The following TRHR variants were observed in gnomAD, a reference collection of about 807,000 sequenced individuals.
The protein encoded by TRHR is thyrotropin-releasing hormone receptor.
TRHR carries 14 observed loss-of-function variants against 28.0 expected under a neutral mutation model. The observed-to-expected ratio is 0.50, with a 90% CI of 0.33 to 0.78. The LOEUF is 0.78. Among genes scored for constraint, TRHR ranks in the 30% least tolerant of loss-of-function variants. The probability of loss-of-function intolerance (pLI) is 0.02; values close to 1 mark genes in which losing one functional copy is unlikely to be tolerated. For missense variants in TRHR, 438 were observed against 469.5 expected (o/e 0.93, Z 0.62); for synonymous variants, 176 against 171.9 (o/e 1.02, Z -0.18).
chr8:109,101,953 A>G (rs573090590), intron 2 of TRHR, among the ~76,000 whole-genome samples: 1 of 152,246 alleles, frequency 6.6e-6, no homozygotes, highest in South Asian at 2.1e-4. Flanking sequence ...TCAGAGAGGG[A>G]AGAGGAAAAC....
chr8:109,091,121 T>C (rs1563621084), intron 2 of TRHR, among the ~76,000 whole-genome samples: 1 of 152,052 alleles, frequency 6.6e-6, no homozygotes, highest in Admixed American at 6.6e-5. Flanking sequence ...GAGAGAGAGA[T>C]TGGTGGAAGA....
chr8:109,116,273 T>C (rs1313778089), intron 2 of TRHR, among the ~76,000 whole-genome samples: 3 of 152,116 alleles, frequency 2.0e-5, no homozygotes. Flanking sequence ...CTTTTTTTGT[T>C]GTGTCTCTGC....
At chr8:109,118,880 A>G (rs1424580914) in intron 2 of TRHR, among the ~76,000 whole-genome samples, 168 bp from the exon 3 acceptor site, 1 of 151,826 alleles carries the variant, frequency 6.6e-6, no homozygotes, top group Non-Finnish European at 1.5e-5. Context: ...ATTCTAATTG[A>G]TAACCCTTAA....
At chr8:109,089,439 G>A (rs965516100) in intron 2 of TRHR, among the ~76,000 whole-genome samples, 8 of 151,726 alleles carry the variant, frequency 5.3e-5, no homozygotes, top group African/African-American at 1.5e-4. Context: ...TATATGCATC[G>A]TAACTGGACA....
intron 2 of TRHR, among the ~76,000 whole-genome samples, chr8:109,118,545 G>A (rs540072523): frequency 6.6e-6 from 1 of 151,912 alleles, no homozygotes; most frequent in East Asian, 2.0e-4. Context: ...ACAAGACTCT[G>A]ATTTCAGCCA....
intron 2 of TRHR, among the ~76,000 whole-genome samples, chr8:109,109,817 CT>C (rs1460250345): frequency 6.6e-6 from 1 of 152,180 alleles, no homozygotes; most frequent in Non-Finnish European, 1.5e-5. Context: ...CTCTAACTTT[CT>C]TCTTGAAAGA....
chr8:109,118,939 C>T, intron 2 of TRHR, 109 bp from the exon 3 acceptor site: 1 of 1,393,156 alleles, frequency 7.2e-7, no homozygotes, highest in Non-Finnish European at 1.0e-6. Context: ...CACCTAACTC[C>T]TTGTCTCAGA....
chr8:109,113,149 G>A (rs1811864570), intron 2 of TRHR, among the ~76,000 whole-genome samples: 1 of 152,056 alleles, frequency 6.6e-6, no homozygotes, highest in East Asian at 1.9e-4. Flanking sequence ...CCCACACTGT[G>A]CACTGGACTA....
At chr8:109,088,467 C>T (rs1811475671) in intron 2 of TRHR, among the ~76,000 whole-genome samples, 166 bp downstream of exon 2, 1 of 148,918 alleles carries the variant, frequency 6.7e-6, no homozygotes, top group African/African-American at 2.4e-5. Flanking sequence ...ATCTCTAAAG[C>T]AACTGAAGAT....
intron 2 of TRHR, among the ~76,000 whole-genome samples, chr8:109,108,068 C>T (rs1356221071): frequency 6.6e-6 from 1 of 152,150 alleles, no homozygotes; most frequent in African/African-American, 2.4e-5. Context: ...TCCGTAACTC[C>T]AGGCCTGAGC....
Position 109,087,632 on chromosome 8 carries a change from T to C in TRHR, c.120T>C (p.Ile40=), listed in dbSNP as rs766876007. ...LLVLIICGLG[I]VGNIMVVLVV... ...TACTCATTATTTGTGGCCTGGGCAT[T>C]GTAGGCAACATCATGGTAGTCCTGG... is the stretch of plus-strand genomic sequence containing the variant. The change falls in exon 2 of 3, where the codon ATT becomes ATC. Residue 40 remains isoleucine, a synonymous_variant. Coordinates refer to ENST00000518632, the MANE Select transcript of TRHR (RefSeq NM_003301.7). The C allele has an allele frequency of 6.2e-7, 1 of 1,614,180 alleles. No homozygotes were observed. Among genetic ancestry groups the C allele is most frequent in the Non-Finnish European group, 8.5e-7 (1 of 1,180,042 alleles).
chr8:109,099,624 G>A (rs777166380), intron 2 of TRHR, among the ~76,000 whole-genome samples: 13 of 152,170 alleles, frequency 8.5e-5, no homozygotes, highest in Non-Finnish European at 1.0e-4. Flanking sequence ...ATTTAGCTCT[G>A]AGAATTAAAC....
chr8:109,115,387 A>G (rs939408989), intron 2 of TRHR, among the ~76,000 whole-genome samples: 5 of 152,180 alleles, frequency 3.3e-5, no homozygotes, highest in African/African-American at 9.7e-5. Flanking sequence ...TTGAAGCTAT[A>G]AATTAACTTG....
At chr8:109,100,047 G>T (rs1046524230) in intron 2 of TRHR, among the ~76,000 whole-genome samples, 1 of 152,138 alleles carries the variant, frequency 6.6e-6, no homozygotes, top group African/African-American at 2.4e-5. Context: ...GATCATTTTT[G>T]TGTAGTCAAG....
rs1486253507 is a variant in TRHR at position 109,119,733 on chromosome 8, A to G, written c.*278A>G. On this transcript the variant is annotated 3_prime_UTR_variant, in exon 3 of 3. Coordinates refer to ENST00000518632, the MANE Select transcript of TRHR (RefSeq NM_003301.7). Reference sequence around the variant, plus strand: ...TTTCATTTAACTTAAGAAATTCACTATATTTTCTGGACTTATAGAGTTTCA... The same window carrying G: ...TTTCATTTAACTTAAGAAATTCACTGTATTTTCTGGACTTATAGAGTTTCA... 2.3e-5 allele frequency: 9 copies of G among 389,120 alleles called. No individual in the cohort carries two copies. The highest frequency in any genetic ancestry group is 6.0e-5 in the African/African-American group (3 of 49,634). The allele number at this position is 389,120 out of a possible 1,614,324, so 24.1% of individuals were successfully genotyped here.
chr8:109,116,854 A>T (rs1811929978), intron 2 of TRHR, among the ~76,000 whole-genome samples: 1 of 151,984 alleles, frequency 6.6e-6, no homozygotes, highest in Admixed American at 6.6e-5. Context: ...TTTACTATTT[A>T]TTTGAGAGAT....
chr8:109,115,801 T>C (rs373509299), intron 2 of TRHR, among the ~76,000 whole-genome samples: 1 of 151,978 alleles, frequency 6.6e-6, no homozygotes, highest in African/African-American at 2.4e-5. Context: ...CCTTTATTTC[T>C]TTCTCCTGCC....
chr8:109,113,349 A>G (rs558096521), intron 2 of TRHR, among the ~76,000 whole-genome samples: 7 of 152,256 alleles, frequency 4.6e-5, no homozygotes, highest in East Asian at 1.9e-4. Flanking sequence ...TCAAAAATTC[A>G]TAACTCCAGT....
At chr8:109,100,674 A>C (rs535280853) in intron 2 of TRHR, among the ~76,000 whole-genome samples, 1 of 152,198 alleles carries the variant, frequency 6.6e-6, no homozygotes, top group Admixed American at 6.6e-5. Flanking sequence ...AATCTAATAC[A>C]GAAGACAGAA....
Sources: gnomAD v4.1 joint callset for allele counts (sites outside exome capture counted in the v4.1 genomes callset) on GRCh38, gnomAD v4.1.1 for gene constraint, MANE v1.5 for transcripts, NCBI Gene and HGNC (gene_info 2026-07-23, HGNC 2026-07-21) for gene names.